The following PGPEP1L variants were observed in gnomAD, a reference collection of about 807,000 sequenced individuals.
PGPEP1L encodes the protein pyroglutamyl-peptidase I like.
In PGPEP1L, 7 loss-of-function variants were observed where a neutral mutation model predicts 6.0. The observed-to-expected ratio is 1.17, with a 90% CI of 0.66 to 2.19. PGPEP1L has a LOEUF of 2.19. PGPEP1L is among the 30% of genes most tolerant of loss of function. PGPEP1L has a pLI of 0.00. For synonymous variants in PGPEP1L, 103 were observed against 83.9 expected (o/e 1.23, Z -1.24); for missense variants, 209 against 192.5 (o/e 1.09, Z -0.51).
chr15:99,002,873 T>A (rs1828217), intron 2 of PGPEP1L, among the ~76,000 whole-genome samples: 4,556 of 145,262 alleles, frequency 0.031, no homozygotes, highest in African/African-American at 0.052. Flanking sequence ...AAGTCATTCA[T>A]ATTCTTTGAT....
At chr15:98,979,628 CTATTCTTTTTTTTTTT>C (rs1189668786) in intron 2 of PGPEP1L, among the ~76,000 whole-genome samples, 54 of 75,868 alleles carry the variant, frequency 7.1e-4, no homozygotes, top group Non-Finnish European at 1.2e-3. Flanking sequence ...GGATTGGAGA[CTATTCTTTTTTTTTTT>C]TTTTTTTTTT....
At chr15:98,977,921 C>T (rs2017593653) in intron 2 of PGPEP1L, among the ~76,000 whole-genome samples, 1 of 152,280 alleles carries the variant, frequency 6.6e-6, no homozygotes, top group East Asian at 1.9e-4. Context: ...ATGCTTAATA[C>T]CTAATTGCTA....
intron 2 of PGPEP1L, among the ~76,000 whole-genome samples, chr15:99,004,396 G>A (rs1183236277): frequency 2.7e-5 from 4 of 148,642 alleles, no homozygotes; most frequent in Admixed American, 6.7e-5. Flanking sequence ...ACAACAGAGG[G>A]AGACTGTCTC....
At chr15:98,982,007 G>C (rs1285122042) in intron 2 of PGPEP1L, among the ~76,000 whole-genome samples, 1 of 152,178 alleles carries the variant, frequency 6.6e-6, no homozygotes, top group African/African-American at 2.4e-5. Flanking sequence ...GGTTTTTCTG[G>C]CTTGTCTTCC....
chr15:98,998,747 G>A (rs552958760), intron 2 of PGPEP1L, among the ~76,000 whole-genome samples: 14 of 152,336 alleles, frequency 9.2e-5, no homozygotes, highest in African/African-American at 3.4e-4. Context: ...GGAGGCCAAG[G>A]TGGGTGGATC....
At chr15:99,001,278 T>C (rs1011327328) in intron 2 of PGPEP1L, 2 of 258,518 alleles carry the variant, frequency 7.7e-6, no homozygotes, top group Non-Finnish European at 1.6e-5. Context: ...CTTGAAAACA[T>C]GCTAAATGAA....
intron 3 of PGPEP1L, 100 bp from the exon 4 acceptor site, chr15:98,969,751 G>C: frequency 8.1e-7 from 1 of 1,241,968 alleles, no homozygotes; most frequent in South Asian, 1.3e-5. Context: ...GCCCGGCTCT[G>C]TGCAAAACAT....
Position 98,971,095 on chromosome 15 carries a change from C to G in PGPEP1L, c.-78G>C. ...CTCCGCTTAGCCTCCCTGTAATCTACAGGCAGCTCCAGAGTCCGCAGCTGC... is the reference window on the plus strand; with the variant it reads ...CTCCGCTTAGCCTCCCTGTAATCTAGAGGCAGCTCCAGAGTCCGCAGCTGC... On this transcript the variant is annotated 5_prime_UTR_variant, in exon 3 of 5. Transcript: ENST00000535714. 2 of 1,613,066 alleles carry G rather than the reference C, an allele frequency of 1.2e-6. No individual in the cohort carries two copies. Among genetic ancestry groups the G allele is most frequent in the South Asian group, 1.1e-5 (1 of 91,066 alleles).
Position 99,007,771 on chromosome 15 carries a change from A to AT in PGPEP1L, c.-783_-782insA, listed in dbSNP as rs1342946403. ...AAACAACAAAACTTCCACAGCACAG[A>AT]AGGCGACTCCAGCAAGTTGCTACTG... On this transcript the variant is annotated 5_prime_UTR_variant, in exon 1 of 5. Coordinates refer to ENST00000535714, the MANE Select transcript of PGPEP1L (RefSeq NM_001167902.2). 3.3e-5 allele frequency: 5 copies of AT among 152,368 alleles called. No homozygotes were observed. Among genetic ancestry groups the AT allele is most frequent in the East Asian group, 1.9e-4 (1 of 5,188 alleles). 9.4% of individuals were successfully genotyped at this position (152,368 alleles called of 1,614,324 possible). A position where few individuals can be genotyped will look rare whatever the true frequency, so the allele number is the denominator to read the frequency against.
intron 2 of PGPEP1L, among the ~76,000 whole-genome samples, chr15:98,979,331 A>G (rs555442042): frequency 3.3e-5 from 1 of 30,044 alleles, no homozygotes; most frequent in East Asian, 1.1e-3. Context: ...CAAAATTAAA[A>G]CAAAAAAAAA....
intron 2 of PGPEP1L, among the ~76,000 whole-genome samples, chr15:99,000,520 A>G (rs977411949): frequency 3.3e-5 from 5 of 152,192 alleles, no homozygotes; most frequent in African/African-American, 9.7e-5. Flanking sequence ...TTGTAAATAC[A>G]CCAATCGGCA....
chr15:98,969,345 G>T (rs891511450), intron 4 of PGPEP1L, 80 bp downstream of exon 4: 2 of 1,559,756 alleles, frequency 1.3e-6, no homozygotes, highest in African/African-American at 2.7e-5. Context: ...ATACAGGATG[G>T]CTTCTTGGAG....
At chr15:98,986,341 G>C (rs1017319630) in intron 2 of PGPEP1L, among the ~76,000 whole-genome samples, 5 of 152,148 alleles carry the variant, frequency 3.3e-5, no homozygotes, top group Admixed American at 2.0e-4. Context: ...AAGGGGAGGT[G>C]GACTGAAGAT....
intron 2 of PGPEP1L, among the ~76,000 whole-genome samples, 180 bp from the exon 3 acceptor site, chr15:98,971,338 CAG>C (rs767042678): frequency 1.1e-4 from 16 of 152,104 alleles, no homozygotes; most frequent in Non-Finnish European, 2.1e-4. Flanking sequence ...CAGTTCCTAC[CAG>C]AGAGGCAAAT....
intron 2 of PGPEP1L, among the ~76,000 whole-genome samples, chr15:98,987,377 A>G: frequency 6.6e-6 from 1 of 152,040 alleles, no homozygotes; most frequent in East Asian, 1.9e-4. Context: ...TGGCTCAGCC[A>G]ATATGATGCA....
At chr15:99,005,030 G>A (rs1443152388) in intron 2 of PGPEP1L, among the ~76,000 whole-genome samples, 1 of 152,026 alleles carries the variant, frequency 6.6e-6, no homozygotes, top group Non-Finnish European at 1.5e-5. Flanking sequence ...TGGTTTCTGG[G>A]CGTATAGATC....
chr15:99,005,183 C>T (rs1173053764), intron 2 of PGPEP1L, among the ~76,000 whole-genome samples: 3 of 152,322 alleles, frequency 2.0e-5, no homozygotes, highest in African/African-American at 7.2e-5. Context: ...GTGGCACCTT[C>T]GTGCCCGCCA....
intron 2 of PGPEP1L, among the ~76,000 whole-genome samples, chr15:99,000,704 C>A (rs2017954278): frequency 6.6e-6 from 1 of 152,092 alleles, no homozygotes; most frequent in Admixed American, 6.5e-5. Flanking sequence ...TTGTGTCTAA[C>A]TCAGGGATTA....
chr15:98,985,401 G>A lies in PGPEP1L; in HGVS notation c.-141-14243C>T, dbSNP rs865854725. Among the ~76,000 whole-genome samples the A allele has an allele frequency of 3.9e-5, 6 of 152,164 alleles. No homozygotes were observed. The South Asian group carries it at 1.2e-3, about 31-fold the overall frequency. On this transcript the variant is annotated intron_variant, in intron 2 of 4. Transcript: ENST00000535714. ...TAAACATACAAAAATTAGCTGGCGTGATGGCAGGTGCCTGTAATCCCAGCT... is the reference window on the plus strand; with the variant it reads ...TAAACATACAAAAATTAGCTGGCGTAATGGCAGGTGCCTGTAATCCCAGCT...
Sources: gnomAD v4.1 joint callset for allele counts (sites outside exome capture counted in the v4.1 genomes callset) on GRCh38, gnomAD v4.1.1 for gene constraint, MANE v1.5 for transcripts, NCBI Gene and HGNC (gene_info 2026-07-23, HGNC 2026-07-21) for gene names.